LRBA: variants seen among roughly 807,000 people sequenced by gnomAD.
The protein encoded by LRBA is lipopolysaccharide-responsive and beige-like anchor protein.
Under a neutral mutation model 330.0 loss-of-function variants are expected in LRBA, and 176 were observed. That is an observed-to-expected ratio of 0.53 (90% confidence interval 0.47 to 0.60). LRBA has a LOEUF of 0.60. Among genes scored for constraint, LRBA ranks in the 20% least tolerant of loss-of-function variants. The pLI, the probability that LRBA is intolerant of heterozygous loss-of-function variation, is 0.00. For synonymous variants in LRBA, 1,230 were observed against 1,193.0 expected, an observed-to-expected ratio of 1.03 and a Z score of -0.64; for missense variants, 3,259 against 3,444.8, an observed-to-expected ratio of 0.95 and a Z score of 1.35.
At chr4:150,316,847 G>A (rs1331528064) in intron 50 of LRBA, among the ~76,000 whole-genome samples, 4 of 152,068 alleles carry the variant, frequency 2.6e-5, no homozygotes, top group Non-Finnish European at 5.9e-5. Flanking sequence ...AGAGAGTCGT[G>A]GACAAGGGGC....
rs777292280 is a variant in LRBA at position 150,908,372 on chromosome 4, G to A, written c.1455C>T (p.Tyr485=). 5.6e-6 allele frequency: 9 copies of A among 1,609,046 alleles called. No homozygotes were observed. The highest frequency in any genetic ancestry group is 2.2e-5 in the South Asian group (2 of 89,426). Reference sequence around the variant, plus strand: ...CAATCTCATCAGACAAATATTGCCTGTAATCCAACTGTGCAAAAAGTGGAA... The same window carrying A: ...CAATCTCATCAGACAAATATTGCCTATAATCCAACTGTGCAAAAAGTGGAA... ...VLFPLFAQLD[Y]RQYLSDEIDL... Residue 485 remains tyrosine, a synonymous_variant, in exon 11 of 57, where the codon TAC becomes TAT. Coordinates refer to ENST00000651943, the MANE Select transcript of LRBA (RefSeq NM_001364905.1).
chr4:150,879,325 T>A (rs1306577342), intron 17 of LRBA, among the ~76,000 whole-genome samples: 4 of 152,110 alleles, frequency 2.6e-5, no homozygotes, highest in Non-Finnish European at 4.4e-5. Context: ...CATCTCTTCA[T>A]CATAAAAATC....
chr4:150,798,011 TA>T, intron 34 of LRBA, 69 bp downstream of exon 34: 4 of 1,029,854 alleles, frequency 3.9e-6, no homozygotes, highest in Non-Finnish European at 6.0e-6. Flanking sequence ...AATGCAAATA[TA>T]AAATCCCCCA....
chr4:150,559,819 T>C (rs1352459500), intron 40 of LRBA, among the ~76,000 whole-genome samples: 2 of 67,642 alleles, frequency 3.0e-5, no homozygotes, highest in Non-Finnish European at 5.4e-5. Flanking sequence ...TATAATAATA[T>C]ATAATAATAT....
chr4:150,996,355 T>C (rs1315183167), intron 2 of LRBA, among the ~76,000 whole-genome samples: 5 of 152,152 alleles, frequency 3.3e-5, no homozygotes, highest in Non-Finnish European at 7.4e-5. Context: ...TTCTTCCATA[T>C]TCCTACCCTC....
At chr4:150,349,954 C>T (rs748953015) in intron 48 of LRBA, 38 bp downstream of exon 48, 3 of 1,588,388 alleles carry the variant, frequency 1.9e-6, no homozygotes, top group African/African-American at 2.7e-5. Flanking sequence ...TTTAAATATA[C>T]CTGACTATAA....
intron 40 of LRBA, among the ~76,000 whole-genome samples, chr4:150,507,790 C>T (rs1231650378): frequency 6.6e-6 from 1 of 152,090 alleles, no homozygotes; most frequent in Non-Finnish European, 1.5e-5. Context: ...AGTGAACAGG[C>T]AACCTACAGA....
chr4:150,324,520 AGG>A (rs1164256877), intron 49 of LRBA, among the ~76,000 whole-genome samples: 1 of 152,106 alleles, frequency 6.6e-6, no homozygotes, highest in Non-Finnish European at 1.5e-5. Flanking sequence ...TAGATAAAGA[AGG>A]AGAAAAAATC....
At chr4:150,413,398 TAA>T (rs751479159) in intron 47 of LRBA, among the ~76,000 whole-genome samples, 1 of 152,022 alleles carries the variant, frequency 6.6e-6, no homozygotes, top group Non-Finnish European at 1.5e-5. Flanking sequence ...CATTAACTAG[TAA>T]AGAGATTTTA....
At chr4:150,295,388 C>T (rs762566359) in intron 53 of LRBA, among the ~76,000 whole-genome samples, 3 of 151,730 alleles carry the variant, frequency 2.0e-5, no homozygotes, top group Admixed American at 6.6e-5. Flanking sequence ...GTAGAGACAG[C>T]GTCTCCCTAT....
intron 30 of LRBA, among the ~76,000 whole-genome samples, chr4:150,826,280 C>T (rs77481007): frequency 0.028 from 4,243 of 152,182 alleles, 99 homozygotes; most frequent in Non-Finnish European, 0.04. Context: ...AGGACCAGCC[C>T]AGTCAGGTTT....
At chr4:150,330,118 A>C (rs1733796728) in intron 48 of LRBA, among the ~76,000 whole-genome samples, 1 of 152,076 alleles carries the variant, frequency 6.6e-6, no homozygotes, top group African/African-American at 2.4e-5. Flanking sequence ...AGGTTTTCCT[A>C]TCTCTCTAAC....
intron 40 of LRBA, among the ~76,000 whole-genome samples, chr4:150,539,122 C>A (rs1034816158): frequency 6.6e-6 from 1 of 152,016 alleles, no homozygotes; most frequent in Admixed American, 6.6e-5. Context: ...ACTATGGGCA[C>A]GCACCACCAT....
At chr4:150,925,156 C>A (rs1209949233) in intron 4 of LRBA, among the ~76,000 whole-genome samples, 1 of 112,906 alleles carries the variant, frequency 8.9e-6, no homozygotes, top group African/African-American at 3.2e-5. Flanking sequence ...AGAGTGAGAC[C>A]CTGTCTTTAA....
intron 48 of LRBA, among the ~76,000 whole-genome samples, chr4:150,332,150 C>T (rs1300057024): frequency 2.0e-5 from 3 of 152,172 alleles, no homozygotes; most frequent in Non-Finnish European, 4.4e-5. Flanking sequence ...AACTACTCAT[C>T]TTTAAGATGA....
chr4:150,955,885 C>T lies in LRBA; in HGVS notation c.217-26820G>A, dbSNP rs931766756. Among the ~76,000 whole-genome samples, 6 of 148,432 alleles carry T rather than the reference C, an allele frequency of 4.0e-5. 2 individuals carry two copies. Among genetic ancestry groups the T allele is most frequent in the African/African-American group, 1.6e-4 (6 of 38,004 alleles). On this transcript the variant is annotated intron_variant, in intron 2 of 56. Coordinates refer to ENST00000651943, the MANE Select transcript of LRBA (RefSeq NM_001364905.1). ...CCAGCCTGGGCAACAGAGAGAGACT[C>T]CATCTCAAAAATAATAATAATAATG...
rs183104270 is a variant in LRBA at position 150,879,201 on chromosome 4, C to T, written c.2166-6446G>A. 7.3e-4 allele frequency among the ~76,000 whole-genome samples: 111 copies of T among 152,218 alleles called. 1 individual carries two copies. Among genetic ancestry groups the T allele is most frequent in the African/African-American group, 2.6e-3 (108 of 41,518 alleles). ...TCAAGTAGGCTTCATTTCTGGAATG[C>T]GAGGTTGGTTCAACATACACAAATC... On this transcript the variant is annotated intron_variant, in intron 17 of 56. Transcript: ENST00000651943.
At chr4:150,693,840 T>C (rs919220246) in intron 36 of LRBA, among the ~76,000 whole-genome samples, 4 of 152,110 alleles carry the variant, frequency 2.6e-5, no homozygotes, top group African/African-American at 9.6e-5. Context: ...AAATAGGTTA[T>C]AAAAAGCAAA....
intron 47 of LRBA, among the ~76,000 whole-genome samples, chr4:150,354,892 TAGG>T (rs1054962473): frequency 9.9e-5 from 15 of 152,010 alleles, no homozygotes; most frequent in African/African-American, 1.9e-4. Context: ...TATTCATAAA[TAGG>T]AGGTTTGTAT....
Sources: allele counts gnomAD v4.1 joint callset (sites outside exome capture counted in the v4.1 genomes callset), GRCh38; gene constraint gnomAD v4.1.1; transcripts MANE v1.5; gene names NCBI Gene and HGNC (gene_info 2026-07-23, HGNC 2026-07-21).